MOK: variants seen among roughly 807,000 people sequenced by gnomAD.
MOK encodes MOK protein kinase, also known as MAPK/MAK/MRK overlapping kinase.
MOK carries 59 observed loss-of-function variants against 54.2 expected under a neutral mutation model. That is an observed-to-expected ratio of 1.09 (90% CI 0.88 to 1.35). MOK has a LOEUF of 1.35. Ranked by LOEUF, MOK falls within the 40% of genes most tolerant of loss-of-function variation. MOK has a pLI of 0.00. For synonymous variants in MOK, 210 were observed against 202.7 expected, an observed-to-expected ratio of 1.04 and a Z score of -0.31; for missense variants, 517 against 526.2, an observed-to-expected ratio of 0.98 and a Z score of 0.17.
chr14:102,275,572 A>G (rs2068789108), intron 2 of MOK, among the ~76,000 whole-genome samples: 1 of 151,804 alleles, frequency 6.6e-6, no homozygotes, highest in Admixed American at 6.6e-5. Flanking sequence ...TCAAAAAAAA[A>G]AAAAAAAAAA....
intron 4 of MOK, among the ~76,000 whole-genome samples, chr14:102,260,005 C>CCA (rs905883987): frequency 6.6e-6 from 1 of 152,122 alleles, no homozygotes; most frequent in African/African-American, 2.4e-5. Flanking sequence ...TGGAAAAACC[C>CCA]CATCTCTACT....
At chr14:102,278,368 T>TGCTTTGTA (rs2069081860) in intron 2 of MOK, among the ~76,000 whole-genome samples, 3 of 149,394 alleles carry the variant, frequency 2.0e-5, no homozygotes, top group Admixed American at 2.0e-4. Context: ...GTTTTTCATA[T>TGCTTTGTA]TATACTTTTA....
At chr14:102,271,613 C>A (rs964273847) in intron 2 of MOK, among the ~76,000 whole-genome samples, 1 of 152,090 alleles carries the variant, frequency 6.6e-6, no homozygotes, top group African/African-American at 2.4e-5. Flanking sequence ...GGCTGGAGTG[C>A]ACGAGCGCAA....
chr14:102,244,277 G>A (rs578084043), intron 7 of MOK, among the ~76,000 whole-genome samples: 243 of 147,934 alleles, frequency 1.6e-3, no homozygotes, highest in African/African-American at 3.6e-3. Flanking sequence ...CCTTCTCATC[G>A]GTCACTCCCA....
Position 102,279,732 on chromosome 14 carries a change from T to A in MOK, c.122+3746A>T, listed in dbSNP as rs544783080. Among the ~76,000 whole-genome samples the A allele has an allele frequency of 2.0e-5, 3 of 152,198 alleles. No individual in the cohort carries two copies. In the South Asian group the frequency reaches 6.2e-4, roughly 32 times the overall value. ...CTCAGGCAAGTAACTAACTTCCTTA[T>A]CCCTAACTAAGTCCTTGAGTGACTC... On this transcript the variant is annotated intron_variant, in intron 2 of 11. Coordinates refer to ENST00000361847, the MANE Select transcript of MOK (RefSeq NM_014226.3).
At chr14:102,260,022 A>G (rs1001914786) in intron 4 of MOK, among the ~76,000 whole-genome samples, 9 of 152,164 alleles carry the variant, frequency 5.9e-5, no homozygotes, top group African/African-American at 2.2e-4. Context: ...TACTAAAAAT[A>G]CAAAATTAGC....
downstream of MOK, among the ~76,000 whole-genome samples, chr14:102,228,535 T>C (rs1055928476): frequency 6.6e-6 from 1 of 151,846 alleles, no homozygotes; most frequent in Non-Finnish European, 1.5e-5. Context: ...CCGTCTCTAC[T>C]AAAAATACAA....
At chr14:102,217,440 A>G in the MOK span, among the ~76,000 whole-genome samples, 1 of 152,190 alleles carries the variant, frequency 6.6e-6, no homozygotes, top group Non-Finnish European at 1.5e-5. Context: ...TTTTCTCATT[A>G]GATGCCAGGT....
intron 1 of MOK, among the ~76,000 whole-genome samples, chr14:102,294,125 T>C (rs560603180): frequency 7.9e-4 from 119 of 150,550 alleles, no homozygotes; most frequent in African/African-American, 2.9e-3. Context: ...CATGGTGAAA[T>C]CTTGTCTCTA....
At chr14:102,254,315 C>A (rs531546178) in intron 4 of MOK, among the ~76,000 whole-genome samples, 1 of 152,178 alleles carries the variant, frequency 6.6e-6, no homozygotes, top group Non-Finnish European at 1.5e-5. Flanking sequence ...GTCATACTAT[C>A]ATCTTTTTAT....
chr14:102,282,719 G>A (rs960380359), intron 2 of MOK, among the ~76,000 whole-genome samples: 2 of 151,804 alleles, frequency 1.3e-5, no homozygotes, highest in Non-Finnish European at 1.5e-5. Flanking sequence ...GGATGACAGA[G>A]TGAGACCCTG....
intron 2 of MOK, among the ~76,000 whole-genome samples, chr14:102,270,999 C>G (rs1167107369): frequency 6.6e-6 from 1 of 152,138 alleles, no homozygotes; most frequent in East Asian, 1.9e-4. Context: ...TGAGACCAGC[C>G]TGGCCAACAT....
chr14:102,226,080 A>G, downstream of MOK: 1 of 542,078 alleles, frequency 1.8e-6, no homozygotes. This position sits in a 1 kb window ranked among gnomAD's most constrained non-coding sequence, Gnocchi z 4.8. Flanking sequence ...AGCAGATGGG[A>G]GGTCACGGTC....
chr14:102,268,808 T>G (rs1162290335), intron 2 of MOK, among the ~76,000 whole-genome samples: 1 of 151,410 alleles, frequency 6.6e-6, no homozygotes, highest in African/African-American at 2.4e-5. Flanking sequence ...CCAGCTACTC[T>G]GGAGGCTGAG....
At position 102,283,593 on chromosome 14, in the gene MOK, C is replaced by A; in HGVS notation, c.8-1G>T. On this transcript the variant is annotated splice_acceptor_variant, in intron 1 of 11. Transcript: ENST00000361847. LOFTEE classifies it high-confidence loss of function. ...CCTATTTTGCCAATTGCTTTATAGTCTATAAATAAAAATGATTACAAAAAT... is the reference window on the plus strand; with the variant it reads ...CCTATTTTGCCAATTGCTTTATAGTATATAAATAAAAATGATTACAAAAAT... 1 of 1,577,106 alleles carries A rather than the reference C, an allele frequency of 6.3e-7. No individual in the cohort carries two copies. Among genetic ancestry groups the A allele is most frequent in the South Asian group, 1.1e-5 (1 of 88,640 alleles).
chr14:102,281,840 G>A (rs2069476634), intron 2 of MOK, among the ~76,000 whole-genome samples: 1 of 152,194 alleles, frequency 6.6e-6, no homozygotes, highest in African/African-American at 2.4e-5. Flanking sequence ...GAAAGATAAA[G>A]AAACACAGAG....
At chr14:102,254,423 T>G (rs900486771) in intron 4 of MOK, among the ~76,000 whole-genome samples, 4 of 152,214 alleles carry the variant, frequency 2.6e-5, no homozygotes, top group African/African-American at 9.7e-5. Flanking sequence ...TTCTGGAATC[T>G]TATTAAATTA....
chr14:102,246,271 G>C (rs1242299394), intron 7 of MOK: 1 of 151,828 alleles, frequency 6.6e-6, no homozygotes, highest in African/African-American at 2.4e-5. Context: ...ATATTTCCTG[G>C]TTCCACCCAC....
chr14:102,277,286 G>A (rs895720863), intron 2 of MOK: 3 of 152,072 alleles, frequency 2.0e-5, no homozygotes, highest in Non-Finnish European at 4.4e-5. Context: ...TAAAGAAATT[G>A]TGTTGTACTC....
Sources: allele counts gnomAD v4.1 joint callset (sites outside exome capture counted in the v4.1 genomes callset), GRCh38; gene constraint gnomAD v4.1.1; non-coding constraint Gnocchi (gnomAD v3.1); transcripts MANE v1.5; gene names NCBI Gene and HGNC (gene_info 2026-07-23, HGNC 2026-07-21).